Variants in EPHB1 observed in about 807,000 individuals in gnomAD.
EPHB1 encodes the protein EPH receptor B1, also known as ephrin type-B receptor 1.
Under a neutral mutation model 94.4 loss-of-function variants are expected in EPHB1, and 30 were observed. The observed-to-expected ratio is 0.32, with a 90% CI of 0.24 to 0.43. EPHB1 has a LOEUF of 0.43. Ranked by LOEUF, EPHB1 falls within the 20% of genes least tolerant of loss-of-function variation. The pLI is 1.00. For missense variants in EPHB1, 1,055 were observed against 1,308.3 expected (o/e 0.81, Z 2.99); for synonymous variants, 522 against 489.1 (o/e 1.07, Z -0.89).
At chr3:135,031,240 CTCCT>C (rs1936455342) in intron 3 of EPHB1, among the ~76,000 whole-genome samples, 1 of 152,178 alleles carries the variant, frequency 6.6e-6, no homozygotes, top group Non-Finnish European at 1.5e-5. Flanking sequence ...GCCCTCTTGG[CTCCT>C]CCCTCAAGAA....
intron 2 of EPHB1, among the ~76,000 whole-genome samples, chr3:134,926,978 C>G (rs2038804616): frequency 2.0e-5 from 3 of 152,052 alleles, no homozygotes; most frequent in South Asian, 4.1e-4. Flanking sequence ...TGTTCATGTC[C>G]CTGGCTTGGG....
chr3:134,941,742 TATGCACACAGACAC>T (rs2039119306), intron 2 of EPHB1, among the ~76,000 whole-genome samples: 1 of 123,970 alleles, frequency 8.1e-6, no homozygotes, highest in South Asian at 2.7e-4. Flanking sequence ...ATGCTTTACA[TATGCACACAGACAC>T]ACACACACAC....
chr3:134,945,958 G>A (rs1197753124), intron 2 of EPHB1, among the ~76,000 whole-genome samples: 1 of 152,218 alleles, frequency 6.6e-6, no homozygotes. Context: ...AAAAGAGAGA[G>A]GGAAGAGGTG....
intron 1 of EPHB1, among the ~76,000 whole-genome samples, chr3:134,801,416 C>A (rs965494258): frequency 1.3e-5 from 2 of 152,186 alleles, no homozygotes; most frequent in Non-Finnish European, 2.9e-5. Context: ...GTTCTGGGGG[C>A]AGCGGAGGGG....
intron 1 of EPHB1, among the ~76,000 whole-genome samples, chr3:134,807,566 GAAAA>G (rs1207210196): frequency 6.9e-6 from 1 of 145,030 alleles, no homozygotes; most frequent in Admixed American, 6.9e-5. Flanking sequence ...GAGAGAGAGA[GAAAA>G]AAAAAAGTTT....
At chr3:135,184,035 C>G (rs760484491) in intron 10 of EPHB1, among the ~76,000 whole-genome samples, 6 of 152,274 alleles carry the variant, frequency 3.9e-5, no homozygotes, top group Middle Eastern at 3.4e-3. Flanking sequence ...TTAGATGTTA[C>G]AGAGAGGCTT....
At chr3:135,161,555 G>A (rs1941507421) in intron 6 of EPHB1, among the ~76,000 whole-genome samples, 3 of 152,150 alleles carry the variant, frequency 2.0e-5, no homozygotes, top group Admixed American at 2.0e-4. Flanking sequence ...GAGTGTCTAG[G>A]GAGATCTGAG....
At position 135,201,475 on chromosome 3, in the gene EPHB1, A is replaced by G; in HGVS notation, c.2132A>G (p.Gln711Arg). The G allele has an allele frequency of 6.2e-7, 1 of 1,613,994 alleles. No individual in the cohort carries two copies. The highest frequency in any genetic ancestry group is 8.5e-7 in the Non-Finnish European group (1 of 1,179,966). The change falls in exon 12 of 16, where the codon CAA becomes CGA. Residue 711 changes from glutamine to arginine, a missense_variant and splice_region_variant. Transcript: ENST00000398015. The stretch of plus-strand genomic sequence containing the variant: ...AATGCCCTCTATGTCTTATTACAGC[A>G]AAATGACGGGCAGTTCACCGTGATC... ...ENGALDSFLR[Q>R]NDGQFTVIQL...
At chr3:135,105,282 T>C (rs1034714608) in intron 3 of EPHB1, among the ~76,000 whole-genome samples, 3 of 152,244 alleles carry the variant, frequency 2.0e-5, no homozygotes, top group Non-Finnish European at 4.4e-5. Context: ...GAAGGCAGGC[T>C]CTATTCTTGA....
chr3:134,868,966 C>A (rs2037441577), intron 1 of EPHB1, among the ~76,000 whole-genome samples: 1 of 152,234 alleles, frequency 6.6e-6, no homozygotes, highest in Non-Finnish European at 1.5e-5. Flanking sequence ...TTACCTGAGA[C>A]AAGAGTAATT....
intron 3 of EPHB1, among the ~76,000 whole-genome samples, chr3:135,034,367 A>T (rs1440928879): frequency 2.6e-5 from 4 of 152,242 alleles, no homozygotes; most frequent in Admixed American, 6.5e-5. Flanking sequence ...AGGGGCAGGC[A>T]GACTTCAAAG....
intron 1 of EPHB1, among the ~76,000 whole-genome samples, chr3:134,845,489 T>G (rs1243145212): frequency 1.3e-5 from 2 of 152,226 alleles, no homozygotes; most frequent in Non-Finnish European, 2.9e-5. Context: ...GGGCAATAGC[T>G]ACAACTGGTA....
chr3:134,894,221 C>T (rs1236349213), intron 1 of EPHB1, among the ~76,000 whole-genome samples: 4 of 152,140 alleles, frequency 2.6e-5, no homozygotes, highest in Non-Finnish European at 5.9e-5. Context: ...TCTTGAGGTG[C>T]CTTGGGACAC....
intron 1 of EPHB1, among the ~76,000 whole-genome samples, chr3:134,835,553 C>T (rs768991897): frequency 1.3e-5 from 2 of 152,134 alleles, no homozygotes; most frequent in African/African-American, 2.4e-5. Context: ...CCTGGAAGCC[C>T]AGAGAGGTGA....
At chr3:135,190,901 G>GT (rs1942438617) in intron 10 of EPHB1, among the ~76,000 whole-genome samples, 1 of 152,146 alleles carries the variant, frequency 6.6e-6, no homozygotes. Context: ...ATGAGACTTG[G>GT]TCTGACCTCC....
chr3:135,258,406 A>G (rs1285153156), intron 15 of EPHB1, among the ~76,000 whole-genome samples: 9 of 152,218 alleles, frequency 5.9e-5, no homozygotes, highest in African/African-American at 2.2e-4. Flanking sequence ...CAGGTCAACT[A>G]TAAGCCATGA....
chr3:135,251,910 C>A (rs923148922), intron 15 of EPHB1, among the ~76,000 whole-genome samples: 2 of 152,204 alleles, frequency 1.3e-5, no homozygotes, highest in African/African-American at 2.4e-5. Flanking sequence ...TGCATGGGTG[C>A]TGAGAACCAA....
chr3:135,206,957 G>A (rs2107714780), intron 12 of EPHB1, among the ~76,000 whole-genome samples: 1 of 151,864 alleles, frequency 6.6e-6, no homozygotes. Context: ...TTTCTTTCAA[G>A]TGCAATTTAA....
chr3:135,174,719 A>G (rs931947451), intron 9 of EPHB1, among the ~76,000 whole-genome samples: 9 of 152,342 alleles, frequency 5.9e-5, no homozygotes, highest in African/African-American at 2.2e-4. Flanking sequence ...AAGTCCCTGT[A>G]TGTAAAGATC....
Sources: gnomAD v4.1 joint callset for allele counts (sites outside exome capture counted in the v4.1 genomes callset) on GRCh38, gnomAD v4.1.1 for gene constraint, MANE v1.5 for transcripts, NCBI Gene and HGNC (gene_info 2026-07-23, HGNC 2026-07-21) for gene names.